The following SRGAP3 variants were observed in gnomAD, a reference collection of about 807,000 sequenced individuals.
SRGAP3 encodes SLIT-ROBO Rho GTPase activating protein 3.
In SRGAP3, 39 loss-of-function variants were observed where a neutral mutation model predicts 121.1. The ratio of observed to expected loss-of-function variants is 0.32; its 90% CI spans 0.25 to 0.42. The LOEUF is 0.42. SRGAP3 is among the 10% of genes least tolerant of loss of function. SRGAP3 has a pLI of 1.00. For synonymous variants in SRGAP3, 601 were observed against 570.0 expected, an observed-to-expected ratio of 1.05 and a Z score of -0.77; for missense variants, 1,213 against 1,470.6, an observed-to-expected ratio of 0.82 and a Z score of 2.86.
intron 4 of SRGAP3, among the ~76,000 whole-genome samples, chr3:9,074,446 T>C (rs1362776152): frequency 2.0e-5 from 3 of 152,224 alleles, no homozygotes; most frequent in Non-Finnish European, 4.4e-5. Context: ...CTCTAAAACC[T>C]GTGCTCTTCC....
At chr3:9,265,613 G>GA (rs533497535) in intron 3 of SRGAP3, among the ~76,000 whole-genome samples, 1,544 of 148,164 alleles carry the variant, frequency 0.01, 17 homozygotes, top group African/African-American at 0.024. Context: ...ACAAACATAT[G>GA]AAAAAAAAAA....
chr3:9,158,855 G>A (rs1180500969), intron 1 of SRGAP3, among the ~76,000 whole-genome samples: 1 of 152,158 alleles, frequency 6.6e-6, no homozygotes, highest in Non-Finnish European at 1.5e-5. Context: ...TCAGGCATGG[G>A]AAGGCCTCAG....
intron 3 of SRGAP3, among the ~76,000 whole-genome samples, chr3:9,100,456 A>T (rs1699217139): frequency 6.6e-6 from 1 of 152,244 alleles, no homozygotes; most frequent in Non-Finnish European, 1.5e-5. Flanking sequence ...ACCGAGGAGG[A>T]AGACATGGAG....
intron 21 of SRGAP3, among the ~76,000 whole-genome samples, chr3:8,990,142 T>C (rs1201245525): frequency 6.6e-6 from 1 of 152,232 alleles, no homozygotes; most frequent in Non-Finnish European, 1.5e-5. Context: ...AATCAATATT[T>C]GCCAGTGAAT....
intron 2 of SRGAP3, among the ~76,000 whole-genome samples, chr3:9,114,676 T>C (rs573041207): frequency 1.5e-5 from 2 of 132,472 alleles, no homozygotes; most frequent in African/African-American, 5.7e-5. Flanking sequence ...CTCTGCCTCA[T>C]AGGCAATGCC....
chr3:9,102,660 G>A (rs547321929), intron 3 of SRGAP3, among the ~76,000 whole-genome samples: 1 of 152,248 alleles, frequency 6.6e-6, no homozygotes, highest in Non-Finnish European at 1.5e-5. Context: ...CAAAGCCCCT[G>A]TGGGCTGGGT....
At chr3:9,308,560 T>G (rs549243786) in intron 3 of SRGAP3, among the ~76,000 whole-genome samples, 3 of 152,302 alleles carry the variant, frequency 2.0e-5, no homozygotes, top group South Asian at 4.1e-4. Flanking sequence ...TTCCTCTTGT[T>G]TACAGGGTCA....
intron 1 of SRGAP3, among the ~76,000 whole-genome samples, chr3:9,169,431 C>T (rs1039335723): frequency 6.6e-6 from 1 of 152,058 alleles, no homozygotes; most frequent in Non-Finnish European, 1.5e-5. Context: ...ATTCAAGCAG[C>T]AAAGAAAAGG....
intron 1 of SRGAP3, among the ~76,000 whole-genome samples, chr3:9,154,897 CT>C (rs1421985140): frequency 6.6e-6 from 1 of 150,764 alleles, no homozygotes; most frequent in Admixed American, 6.6e-5. Context: ...TTTAGCTTTG[CT>C]TTTTTGCTTT....
At chr3:9,024,953 T>C (rs1356324649) in intron 14 of SRGAP3, among the ~76,000 whole-genome samples, 1 of 152,174 alleles carries the variant, frequency 6.6e-6, no homozygotes, top group Non-Finnish European at 1.5e-5. Context: ...ATAGTAGTAG[T>C]AACAGTGGTG....
At chr3:9,059,026 G>A in intron 6 of SRGAP3, 1 of 159,402 alleles carries the variant, frequency 6.3e-6, no homozygotes, top group Non-Finnish European at 1.4e-5. Context: ...TCTTTAGGGT[G>A]GTGTGCATGC....
chr3:9,026,481 C>T (rs1197532175), intron 13 of SRGAP3, among the ~76,000 whole-genome samples: 1 of 152,164 alleles, frequency 6.6e-6, no homozygotes, highest in Non-Finnish European at 1.5e-5. Flanking sequence ...GTTCTGGTGA[C>T]ACCATGGTTA....
chr3:9,022,277 G>T (rs970151128), intron 14 of SRGAP3, among the ~76,000 whole-genome samples: 1 of 152,160 alleles, frequency 6.6e-6, no homozygotes, highest in African/African-American at 2.4e-5. Context: ...GCAGTGAGCC[G>T]AGATTCCGCC....
chr3:9,185,710 A>T (rs1560371734), intron 1 of SRGAP3, among the ~76,000 whole-genome samples: 1 of 149,122 alleles, frequency 6.7e-6, no homozygotes, highest in East Asian at 2.0e-4. Context: ...GGCCTGACTA[A>T]TTTTTTTTTT....
At chr3:9,071,026 T>C (rs1946683326) in intron 4 of SRGAP3, among the ~76,000 whole-genome samples, 1 of 152,066 alleles carries the variant, frequency 6.6e-6, no homozygotes, top group Non-Finnish European at 1.5e-5. Context: ...TGAGCAGGGC[T>C]TGGGATGGGG....
intron 13 of SRGAP3, among the ~76,000 whole-genome samples, chr3:9,025,567 G>A (rs1944155285): frequency 6.6e-6 from 1 of 152,148 alleles, no homozygotes; most frequent in Non-Finnish European, 1.5e-5. Flanking sequence ...TTCTGTTTGA[G>A]CTTAAAGGAA....
In SRGAP3 at chr3:9,079,653, T is replaced by C. The variant is rs1182849045; in HGVS notation, c.486+372A>G. Among the ~76,000 whole-genome samples the C allele has an allele frequency of 2.0e-5, 3 of 152,218 alleles. No homozygotes were observed. The East Asian group carries it at 5.8e-4, about 29-fold the overall frequency. On this transcript the variant is annotated intron_variant, in intron 4 of 21. Coordinates refer to ENST00000383836, the MANE Select transcript of SRGAP3 (RefSeq NM_014850.4). Reference sequence around the variant, plus strand: ...GTCCTACAGTTGGTAAGGAGGGGCCTCTGCTGGAGCCTGTGCTGCCTCACT... The same window carrying C: ...GTCCTACAGTTGGTAAGGAGGGGCCCCTGCTGGAGCCTGTGCTGCCTCACT...
intron 19 of SRGAP3, chr3:8,993,999 GTAGGCA>G: frequency 8.1e-6 from 3 of 369,194 alleles, no homozygotes; most frequent in Admixed American, 3.8e-5. Context: ...GTGTAGAACC[GTAGGCA>G]GGGGAGGCCT....
chr3:8,991,319 A>G (rs1942043938), intron 20 of SRGAP3, among the ~76,000 whole-genome samples: 1 of 152,150 alleles, frequency 6.6e-6, no homozygotes, highest in Non-Finnish European at 1.5e-5. Flanking sequence ...TGGGAACTGA[A>G]GACACTCTAA....
Sources: allele counts gnomAD v4.1 joint callset (sites outside exome capture counted in the v4.1 genomes callset), GRCh38; gene constraint gnomAD v4.1.1; transcripts MANE v1.5; gene names NCBI Gene and HGNC (gene_info 2026-07-23, HGNC 2026-07-21).